The following DNAAF9 variants were observed in gnomAD, a reference collection of about 807,000 sequenced individuals.
DNAAF9 encodes shulin.
A neutral mutation model predicts 167.0 loss-of-function variants in DNAAF9; 90 were observed. That is an observed-to-expected ratio of 0.54 (90% CI 0.45 to 0.64). The LOEUF (loss-of-function observed/expected upper bound fraction) is 0.64. DNAAF9 is among the 30% of genes least tolerant of loss of function. The pLI, the probability that DNAAF9 is intolerant of heterozygous loss-of-function variation, is 0.00. For missense variants in DNAAF9, 1,315 were observed against 1,442.2 expected, an observed-to-expected ratio of 0.91 and a Z score of 1.43; for synonymous variants, 491 against 508.8, an observed-to-expected ratio of 0.96 and a Z score of 0.47.
chr20:3,270,812 C>CTT (rs11297850), intron 29 of DNAAF9, among the ~76,000 whole-genome samples: 2 of 138,522 alleles, frequency 1.4e-5, no homozygotes, highest in African/African-American at 2.7e-5. Flanking sequence ...CTTCCTCTAT[C>CTT]TTTTTTTTTT....
chr20:3,340,696 T>C (rs767881028), intron 9 of DNAAF9, 57 bp from the exon 10 acceptor site: 8 of 1,545,506 alleles, frequency 5.2e-6, no homozygotes, highest in Non-Finnish European at 7.1e-6. Context: ...CAAGGCAACC[T>C]TCCATGACCT....
chr20:3,262,640 G>T (rs889120678), intron 31 of DNAAF9, among the ~76,000 whole-genome samples: 5 of 152,102 alleles, frequency 3.3e-5, no homozygotes, highest in African/African-American at 4.8e-5. Context: ...AGCTTCTTGT[G>T]TATGAGTCAG....
chr20:3,270,876 G>A (rs1159807582), intron 29 of DNAAF9, among the ~76,000 whole-genome samples: 1 of 149,006 alleles, frequency 6.7e-6, no homozygotes, highest in African/African-American at 2.5e-5. Flanking sequence ...GCAGTGGTGC[G>A]ATCTCAGCTT....
At chr20:3,278,083 T>C (rs1358792651) in intron 29 of DNAAF9, among the ~76,000 whole-genome samples, 1 of 152,208 alleles carries the variant, frequency 6.6e-6, no homozygotes, top group Admixed American at 6.5e-5. Context: ...TCAGAATTTA[T>C]TCTGGACCTC....
intron 23 of DNAAF9, chr20:3,296,301 C>A: frequency 2.6e-6 from 1 of 379,110 alleles, no homozygotes; most frequent in South Asian, 2.0e-5. Context: ...GCCCGGCGCC[C>A]AACACCATGC....
chr20:3,358,109 T>C (rs910024338), intron 7 of DNAAF9, among the ~76,000 whole-genome samples: 7 of 152,180 alleles, frequency 4.6e-5, no homozygotes, highest in Non-Finnish European at 1.0e-4. Context: ...CATTTTTTTT[T>C]CTGCTATGGA....
At chr20:3,407,273 T>C (rs1600945879) in intron 1 of DNAAF9, among the ~76,000 whole-genome samples, 1 of 152,000 alleles carries the variant, frequency 6.6e-6, no homozygotes. Context: ...GGGAAACCGT[T>C]GCGGGGTTGT....
chr20:3,249,883 G>C lies in DNAAF9; in HGVS notation c.*2689C>G, dbSNP rs999704682. ...AGGCTTCAGGTCAGATAGCCCCCAG[G>C]GCTCAGAGGGGCCGGCTCAACTCCT... is the stretch of plus-strand genomic sequence containing the variant. On this transcript the variant is annotated 3_prime_UTR_variant, in exon 37 of 37. Transcript: ENST00000252032. 1 of 151,912 alleles carries C rather than the reference G, an allele frequency of 6.6e-6. No homozygotes were observed. The highest frequency in any genetic ancestry group is 1.5e-5 in the Non-Finnish European group (1 of 68,008). 9.4% of individuals were successfully genotyped at this position (151,912 alleles called of 1,614,324 possible).
intron 21 of DNAAF9, among the ~76,000 whole-genome samples, chr20:3,298,691 T>C (rs6051724): frequency 0.21 from 31,299 of 152,084 alleles, 3,526 homozygotes; most frequent in African/African-American, 0.28. Context: ...TTATCAGATA[T>C]ATGATTTGTG....
chr20:3,334,052 T>C (rs916548276), intron 10 of DNAAF9, among the ~76,000 whole-genome samples: 27 of 152,188 alleles, frequency 1.8e-4, no homozygotes, highest in African/African-American at 5.8e-4. Context: ...CAAGACAGCT[T>C]CATTGGATGT....
At chr20:3,259,309 C>T (rs1205137193) in intron 33 of DNAAF9, among the ~76,000 whole-genome samples, 171 bp downstream of exon 33, 2 of 152,134 alleles carry the variant, frequency 1.3e-5, no homozygotes, top group East Asian at 3.8e-4. Context: ...AGGCCCTTGG[C>T]GGAGAGGGGT....
At chr20:3,356,378 T>C (rs1035382482) in intron 7 of DNAAF9, among the ~76,000 whole-genome samples, 4 of 152,186 alleles carry the variant, frequency 2.6e-5, no homozygotes, top group Admixed American at 1.3e-4. Flanking sequence ...TCTGAAACTA[T>C]ATTTGAAGGT....
Position 3,267,974 on chromosome 20 carries a change from T to TA in DNAAF9, c.2786+2452dup, listed in dbSNP as rs2068518205. Reference sequence around the variant, plus strand: ...ATGTTCAAAAGTTACTTGAATTAAATACTTTTCTTGGTGTGGCTGTTATTA... The same window carrying TA: ...ATGTTCAAAAGTTACTTGAATTAAATAACTTTTCTTGGTGTGGCTGTTATTA... On this transcript the variant is annotated intron_variant, in intron 30 of 36. Transcript: ENST00000252032. 2.6e-5 allele frequency among the ~76,000 whole-genome samples: 4 copies of TA among 152,252 alleles called. No homozygotes were observed. The South Asian group carries it at 8.3e-4, about 32-fold the overall frequency.
intron 12 of DNAAF9, 141 bp downstream of exon 12, chr20:3,330,505 A>C: frequency 1.7e-6 from 1 of 595,910 alleles, no homozygotes; most frequent in Non-Finnish European, 3.0e-6. Context: ...GCTTCCGAAA[A>C]TGTTGGGATT....
At chr20:3,329,368 A>T (rs1271006146) in intron 12 of DNAAF9, among the ~76,000 whole-genome samples, 1 of 152,150 alleles carries the variant, frequency 6.6e-6, no homozygotes, top group Non-Finnish European at 1.5e-5. Flanking sequence ...AGGGTTTCCC[A>T]GGCTAGTCTC....
intron 6 of DNAAF9, among the ~76,000 whole-genome samples, chr20:3,371,333 CTTTTTTTTTTTTTT>C (rs532202424): frequency 2.4e-5 from 2 of 84,076 alleles, no homozygotes; most frequent in African/African-American, 4.6e-5. Flanking sequence ...TGAAGAAAAT[CTTTTTTTTTTTTTT>C]TTTTTTTTTT....
At chr20:3,380,474 C>A (rs1187141367) in intron 3 of DNAAF9, among the ~76,000 whole-genome samples, 2 of 152,208 alleles carry the variant, frequency 1.3e-5, no homozygotes, top group East Asian at 3.8e-4. Flanking sequence ...TTCTAGGTGA[C>A]TGTTCTGTGC....
chr20:3,337,954 TTC>T (rs947232261), intron 10 of DNAAF9, among the ~76,000 whole-genome samples: 1 of 148,384 alleles, frequency 6.7e-6, no homozygotes, highest in Non-Finnish European at 1.5e-5. Flanking sequence ...GGATCCAAGC[TTC>T]TGATATATAT....
At chr20:3,350,305 C>A (rs1007875468) in intron 7 of DNAAF9, among the ~76,000 whole-genome samples, 21 of 151,878 alleles carry the variant, frequency 1.4e-4, no homozygotes, top group African/African-American at 4.6e-4. Context: ...ATAGTGACAC[C>A]CCATCTCTAC....
Sources: gnomAD v4.1 joint callset for allele counts (sites outside exome capture counted in the v4.1 genomes callset) on GRCh38, gnomAD v4.1.1 for gene constraint, MANE v1.5 for transcripts, NCBI Gene and HGNC (gene_info 2026-07-23, HGNC 2026-07-21) for gene names.